Variants in PDE6C observed in about 807,000 individuals in gnomAD.
PDE6C encodes phosphodiesterase 6C, also known as cone cGMP-specific 3',5'-cyclic phosphodiesterase subunit alpha'.
Under a neutral mutation model 113.1 loss-of-function variants are expected in PDE6C, and 75 were observed. The ratio of observed to expected loss-of-function variants is 0.66; its 90% CI spans 0.55 to 0.80. The LOEUF is 0.80. Ranked by LOEUF, PDE6C falls within the 30% of genes least tolerant of loss-of-function variation. The pLI is 0.00. For missense variants in PDE6C, 912 were observed against 1,038.6 expected (o/e 0.88, Z 1.67); for synonymous variants, 375 against 363.7 (o/e 1.03, Z -0.35).
intron 21 of PDE6C, 28 bp downstream of exon 21, chr10:93,663,206 G>A: frequency 6.2e-7 from 1 of 1,608,628 alleles, no homozygotes; most frequent in South Asian, 1.1e-5. Context: ...TTTGCTCCCT[G>A]TAATGTAGCC....
At chr10:93,656,218 G>C (rs1341748674) in intron 16 of PDE6C, among the ~76,000 whole-genome samples, 1 of 152,214 alleles carries the variant, frequency 6.6e-6, no homozygotes, top group Admixed American at 6.5e-5. Flanking sequence ...TTTTTGTCCA[G>C]GTGAATTCTC....
At chr10:93,640,005 G>A (rs1322903861) in intron 11 of PDE6C, 65 bp from the exon 12 acceptor site, 7 of 1,550,982 alleles carry the variant, frequency 4.5e-6, no homozygotes, top group Middle Eastern at 1.7e-4. Flanking sequence ...CCCAATGTTG[G>A]CTATGGGAGT....
chr10:93,636,368 T>TGTGTGTGTGTGTGTG (rs373109205), intron 10 of PDE6C, among the ~76,000 whole-genome samples: 10 of 141,358 alleles, frequency 7.1e-5, no homozygotes, highest in South Asian at 7.1e-4. Flanking sequence ...TTCCCTGGCT[T>TGTGTGTGTGTGTGTG]TGTGTGTGTG....
At chr10:93,626,491 A>G in intron 5 of PDE6C, 149 bp from the exon 6 acceptor site, 1 of 629,500 alleles carries the variant, frequency 1.6e-6, no homozygotes, top group Non-Finnish European at 2.8e-6. Context: ...TGTAGTCAGG[A>G]TATAAGTAGT....
intron 15 of PDE6C, among the ~76,000 whole-genome samples, chr10:93,647,227 G>A (rs2148296): frequency 0.43 from 65,883 of 151,498 alleles, 14,652 homozygotes; most frequent in Non-Finnish European, 0.49. Context: ...CTGTTTTGTC[G>A]CAGGCAGTGA....
intron 16 of PDE6C, 88 bp downstream of exon 16, chr10:93,655,948 G>A (rs926172039): frequency 6.2e-6 from 5 of 803,164 alleles, no homozygotes; most frequent in Non-Finnish European, 1.1e-5. Flanking sequence ...ATGTTAAAAG[G>A]CATTTATTCA....
chr10:93,626,590 A>T (rs371917864), intron 5 of PDE6C, 50 bp from the exon 6 acceptor site: 11 of 1,072,338 alleles, frequency 1.0e-5, no homozygotes, highest in African/African-American at 4.7e-5. Flanking sequence ...ATGAAAAATG[A>T]TTTCTTTGGG....
chr10:93,638,427 G>T (rs1014475940), intron 11 of PDE6C, among the ~76,000 whole-genome samples: 2 of 151,958 alleles, frequency 1.3e-5, no homozygotes, highest in African/African-American at 4.8e-5. Context: ...TCTCAGCCTG[G>T]CCCAGAAGAC....
intron 16 of PDE6C, 24 bp downstream of exon 16, chr10:93,655,884 G>GTGCA: frequency 8.9e-7 from 1 of 1,125,930 alleles, no homozygotes; most frequent in Non-Finnish European, 1.4e-6. Flanking sequence ...TCTGCACAGT[G>GTGCA]GAATGCCCTA....
intron 14 of PDE6C, among the ~76,000 whole-genome samples, chr10:93,644,101 T>C (rs996395924): frequency 2.6e-5 from 4 of 152,220 alleles, no homozygotes; most frequent in Non-Finnish European, 5.9e-5. Flanking sequence ...ACCACTTGTT[T>C]CCTGATTAAT....
intron 14 of PDE6C, among the ~76,000 whole-genome samples, chr10:93,645,746 T>C (rs934308062): frequency 1.3e-5 from 2 of 151,746 alleles, no homozygotes; most frequent in African/African-American, 4.8e-5. Flanking sequence ...AATTAAATCA[T>C]TTATGCATTC....
chr10:93,621,049 T>C (rs1486596571), intron 3 of PDE6C, 69 bp downstream of exon 3: 2 of 1,265,532 alleles, frequency 1.6e-6, no homozygotes, highest in Non-Finnish European at 2.3e-6. Flanking sequence ...AGACAACAAA[T>C]TCAGACCCCT....
chr10:93,663,579 C>T (rs189206775), intron 21 of PDE6C, among the ~76,000 whole-genome samples: 144 of 152,282 alleles, frequency 9.5e-4, no homozygotes, highest in African/African-American at 3.1e-3. Context: ...TGCTTAACCT[C>T]GCTGAGTTTA....
At chr10:93,652,273 A>G (rs2058612776) in intron 15 of PDE6C, among the ~76,000 whole-genome samples, 1 of 152,220 alleles carries the variant, frequency 6.6e-6, no homozygotes, top group Non-Finnish European at 1.5e-5. Flanking sequence ...CAACTAATAC[A>G]AAAACTGGAA....
chr10:93,612,889 A>C lies in PDE6C; in HGVS notation c.164A>C (p.Gln55Pro), dbSNP rs763733585. Residue 55 changes from glutamine (Q) to proline (P), a missense_variant, in exon 1 of 22, where the codon CAG becomes CCG. Gln to Pro is a moderately conservative substitution (Grantham distance 76). Coordinates refer to ENST00000371447, the MANE Select transcript of PDE6C (RefSeq NM_006204.4). ...QSSMSFSELTQVEESALCLEL... is the reference protein window; with the variant it reads ...QSSMSFSELTPVEESALCLEL... Reference sequence around the variant, plus strand: ...AGCATGTCCTTCTCTGAGCTGACCCAGGTGGAGGAGTCAGCCCTGTGCTTG... The same window carrying C: ...AGCATGTCCTTCTCTGAGCTGACCCCGGTGGAGGAGTCAGCCCTGTGCTTG... 3 of 1,614,092 alleles carry C rather than the reference A, an allele frequency of 1.9e-6. No individual in the cohort carries two copies. The highest frequency in any genetic ancestry group is 2.5e-6 in the Non-Finnish European group (3 of 1,180,026).
intron 1 of PDE6C, among the ~76,000 whole-genome samples, chr10:93,617,448 G>A (rs1426734460): frequency 6.6e-6 from 1 of 152,168 alleles, no homozygotes; most frequent in Non-Finnish European, 1.5e-5. Flanking sequence ...ATGGCATTAA[G>A]TTTGAAGCTG....
At chr10:93,617,528 C>T (rs930346787) in intron 1 of PDE6C, among the ~76,000 whole-genome samples, 1 of 152,182 alleles carries the variant, frequency 6.6e-6, no homozygotes, top group African/African-American at 2.4e-5. Context: ...AATCTCAGCA[C>T]TTTGGGAAGC....
chr10:93,630,119 C>T (rs10882288), intron 8 of PDE6C, among the ~76,000 whole-genome samples: 55,614 of 151,880 alleles, frequency 0.37, 10,382 homozygotes, highest in East Asian at 0.46. Context: ...ACAATTCTGA[C>T]TGAGTCTTCA....
At chr10:93,631,825 G>A (rs2058503157) in intron 8 of PDE6C, among the ~76,000 whole-genome samples, 1 of 152,266 alleles carries the variant, frequency 6.6e-6, no homozygotes, top group South Asian at 2.1e-4. Context: ...TGCAAAGGCA[G>A]TGGTTCTCAC....
Sources: gnomAD v4.1 joint callset for allele counts (sites outside exome capture counted in the v4.1 genomes callset) on GRCh38, gnomAD v4.1.1 for gene constraint, MANE v1.5 for transcripts, NCBI Gene and HGNC (gene_info 2026-07-23, HGNC 2026-07-21) for gene names.